RALA: variants seen among roughly 807,000 people sequenced by gnomAD.
RALA encodes the protein RAS like proto-oncogene A.
RALA carries 5 observed loss-of-function variants against 24.0 expected under a neutral mutation model. The ratio of observed to expected loss-of-function variants is 0.21; its 90% confidence interval spans 0.11 to 0.44. The LOEUF is 0.44. RALA is among the 20% of genes least tolerant of loss of function. The pLI, the probability that RALA is intolerant of heterozygous loss-of-function variation, is 0.99. For missense variants in RALA, 95 were observed against 241.2 expected (o/e 0.39, Z 4.01); for synonymous variants, 77 against 83.8 (o/e 0.92, Z 0.44).
chr7:39,658,936 T>A (rs1024795168), intron 1 of RALA, among the ~76,000 whole-genome samples: 2 of 151,982 alleles, frequency 1.3e-5, no homozygotes, highest in Non-Finnish European at 2.9e-5. Context: ...TTGTCTGATA[T>A]GAACTGAAAC....
chr7:39,629,515 A>G (rs1467775922), intron 1 of RALA, among the ~76,000 whole-genome samples: 1 of 152,090 alleles, frequency 6.6e-6, no homozygotes, highest in Non-Finnish European at 1.5e-5. Context: ...CCCAGGTTCA[A>G]GCGATTCTCC....
intron 3 of RALA, among the ~76,000 whole-genome samples, chr7:39,695,075 A>G (rs1427305259): frequency 6.6e-6 from 1 of 151,872 alleles, no homozygotes; most frequent in African/African-American, 2.4e-5. Flanking sequence ...AAGAAAAAAA[A>G]AAAAAGTCTG....
At chr7:39,634,349 G>T (rs899261586) in intron 1 of RALA, among the ~76,000 whole-genome samples, 1 of 152,124 alleles carries the variant, frequency 6.6e-6, no homozygotes, top group Non-Finnish European at 1.5e-5. Flanking sequence ...AGACTTGGGT[G>T]GGGCAGACTT....
At chr7:39,687,931 C>CT (rs753372290) in intron 2 of RALA, among the ~76,000 whole-genome samples, 124 of 152,206 alleles carry the variant, frequency 8.1e-4, no homozygotes, top group Non-Finnish European at 1.3e-3. Context: ...GTCTTTATCT[C>CT]TTTTTTTACC....
At chr7:39,674,136 G>A (rs1260552828) in intron 1 of RALA, among the ~76,000 whole-genome samples, 1 of 152,114 alleles carries the variant, frequency 6.6e-6, no homozygotes, top group South Asian at 2.1e-4. Context: ...CTGTAATGCA[G>A]TGGCAAAATC....
chr7:39,706,919 A>G lies in RALA; in HGVS notation c.*674A>G, dbSNP rs1267018837. The G allele has an allele frequency of 6.6e-6, 1 of 152,638 alleles. No homozygotes were observed. The highest frequency in any genetic ancestry group is 2.4e-5 in the African/African-American group (1 of 41,460). The allele number at this position is 152,638 out of a possible 1,614,324, so 9.5% of individuals were successfully genotyped here. On this transcript the variant is annotated 3_prime_UTR_variant, in exon 5 of 5. Transcript: ENST00000005257. ...ACTGACACCAGGGGTCCGCTGCCCC[A>G]TGTGTCCTGGTGAGAAAATATATGC...
chr7:39,635,117 A>T (rs1791666005), intron 1 of RALA, among the ~76,000 whole-genome samples: 1 of 152,192 alleles, frequency 6.6e-6, no homozygotes. Flanking sequence ...TGGGCAGCCA[A>T]GGCAGGCAGA....
chr7:39,680,567 C>G (rs1425520139), intron 1 of RALA, among the ~76,000 whole-genome samples: 6 of 148,970 alleles, frequency 4.0e-5, no homozygotes, highest in Admixed American at 2.7e-4. Flanking sequence ...CAGAGCGAGA[C>G]TGTCTCAAAA....
At chr7:39,627,989 C>T (rs572738582) in intron 1 of RALA, among the ~76,000 whole-genome samples, 6 of 151,414 alleles carry the variant, frequency 4.0e-5, no homozygotes, top group Non-Finnish European at 8.8e-5. Flanking sequence ...CATTTTTTTT[C>T]TTACCTAACC....
chr7:39,642,142 T>C (rs1281399005), intron 1 of RALA, among the ~76,000 whole-genome samples: 1 of 151,986 alleles, frequency 6.6e-6, no homozygotes, highest in African/African-American at 2.4e-5. Context: ...AATTTAACAA[T>C]AGAAAAACAA....
intron 1 of RALA, among the ~76,000 whole-genome samples, chr7:39,628,424 C>G (rs1016493063): frequency 6.6e-6 from 1 of 151,706 alleles, no homozygotes; most frequent in Non-Finnish European, 1.5e-5. Context: ...TTCTTTCTCT[C>G]TCTTAAAGGC....
intron 3 of RALA, among the ~76,000 whole-genome samples, chr7:39,691,148 A>AT (rs1792811167): frequency 6.6e-6 from 1 of 152,100 alleles, no homozygotes; most frequent in African/African-American, 2.4e-5. Context: ...GTTATATAAT[A>AT]TTTTTTATTA....
intron 1 of RALA, among the ~76,000 whole-genome samples, chr7:39,636,784 C>G (rs538569282): frequency 6.6e-6 from 1 of 152,162 alleles, no homozygotes; most frequent in African/African-American, 2.4e-5. Context: ...AGGAGACTTA[C>G]AATCATGGCG....
chr7:39,629,805 C>T (rs1450863391), intron 1 of RALA, among the ~76,000 whole-genome samples: 3 of 152,284 alleles, frequency 2.0e-5, no homozygotes, highest in East Asian at 1.9e-4. Context: ...CCGTGTTAGC[C>T]AGGATGGTCT....
At position 39,703,443 on chromosome 7, in the gene RALA, C is replaced by T. The variant is rs1052806719; in HGVS notation, c.499-2680C>T. 7 of 152,116 alleles carry T rather than the reference C, an allele frequency of 4.6e-5. No individual in the cohort carries two copies. The South Asian group carries it at 8.3e-4, about 18-fold the overall frequency. The allele number at this position is 152,116 out of a possible 1,614,324, so 9.4% of individuals were successfully genotyped here. A position where few individuals can be genotyped will look rare whatever the true frequency, so the allele number is the denominator to read the frequency against. ...TTTTTCCCTTTAACCGTTTATGCTCCTTCATGTTGGTCCTATGTCCGTTTG... is the reference window on the plus strand; with the variant it reads ...TTTTTCCCTTTAACCGTTTATGCTCTTTCATGTTGGTCCTATGTCCGTTTG... On this transcript the variant is annotated intron_variant, in intron 4 of 4. Transcript: ENST00000005257.
At chr7:39,638,752 G>A (rs368891453) in intron 1 of RALA, among the ~76,000 whole-genome samples, 19 of 152,310 alleles carry the variant, frequency 1.2e-4, no homozygotes, top group African/African-American at 4.1e-4. Context: ...AGGCCATCTT[G>A]TTTATCTGTT....
intron 2 of RALA, 109 bp downstream of exon 2, chr7:39,686,890 AT>A: frequency 1.3e-6 from 1 of 795,312 alleles, no homozygotes; most frequent in Non-Finnish European, 2.0e-6. Flanking sequence ...GAAATTACTA[AT>A]AATTTTTTTT....
chr7:39,696,837 A>C lies in RALA; in HGVS notation c.476A>C (p.Lys159Thr), dbSNP rs1279842543. The C allele has an allele frequency of 6.2e-7, 1 of 1,612,726 alleles. No individual in the cohort carries two copies. Among genetic ancestry groups the C allele is most frequent in the Non-Finnish European group, 8.5e-7 (1 of 1,179,614 alleles). Residue 159 changes from lysine (K) to threonine (T), a missense_variant, in exon 4 of 5, where the codon AAA (lysine) becomes ACA (threonine). Physicochemically the swap from Lys to Thr is moderately conservative, Grantham distance 78. Transcript: ENST00000005257. ...WNVNYVETSAKTRANVDKVFF... is the reference protein window; with the variant it reads ...WNVNYVETSATTRANVDKVFF... The stretch of plus-strand genomic sequence containing the variant: ...GTTAACTACGTGGAAACATCTGCTA[A>C]AACACGAGCTAATGTTGACAAGGTA...
At chr7:39,655,807 A>G (rs1222792130) in intron 1 of RALA, among the ~76,000 whole-genome samples, 2 of 152,086 alleles carry the variant, frequency 1.3e-5, no homozygotes, top group Admixed American at 6.6e-5. Flanking sequence ...AACTTCCCCA[A>G]ATTTTCCACA....
Sources: gnomAD v4.1 joint callset for allele counts (sites outside exome capture counted in the v4.1 genomes callset) on GRCh38, gnomAD v4.1.1 for gene constraint, MANE v1.5 for transcripts, NCBI Gene and HGNC (gene_info 2026-07-23, HGNC 2026-07-21) for gene names.